ADAMTSL3: variants seen among roughly 807,000 people sequenced by gnomAD.
ADAMTSL3 encodes the protein ADAMTS-like protein 3.
ADAMTSL3 carries 128 observed loss-of-function variants against 201.7 expected under a neutral mutation model. The observed-to-expected ratio is 0.63, with a 90% confidence interval of 0.55 to 0.73. ADAMTSL3 has a LOEUF of 0.73. Ranked by LOEUF, ADAMTSL3 falls within the 30% of genes least tolerant of loss-of-function variation. ADAMTSL3 has a pLI of 0.00. For missense variants in ADAMTSL3, 1,990 were observed against 2,119.6 expected, an observed-to-expected ratio of 0.94 and a Z score of 1.20; for synonymous variants, 738 against 748.4, an observed-to-expected ratio of 0.99 and a Z score of 0.23.
At chr15:83,676,114 A>T (rs2061401077) in intron 2 of ADAMTSL3, among the ~76,000 whole-genome samples, 1 of 141,436 alleles carries the variant, frequency 7.1e-6, no homozygotes. Context: ...TTTGCTCTTT[A>T]TTATTTTCTT....
intron 23 of ADAMTSL3, among the ~76,000 whole-genome samples, chr15:84,001,961 T>G (rs1429478158): frequency 6.6e-6 from 1 of 152,232 alleles, no homozygotes; most frequent in East Asian, 1.9e-4. Context: ...ACCCTTAATA[T>G]ATTTGCCCCA....
chr15:83,789,485 T>C (rs2063312340), intron 4 of ADAMTSL3, among the ~76,000 whole-genome samples: 1 of 152,170 alleles, frequency 6.6e-6, no homozygotes, highest in Non-Finnish European at 1.5e-5. Flanking sequence ...CTGAGATTTC[T>C]GGTGATCCTT....
intron 8 of ADAMTSL3, chr15:83,861,375 G>A (rs1326856064): frequency 6.5e-6 from 1 of 153,812 alleles, no homozygotes; most frequent in Non-Finnish European, 1.4e-5. Flanking sequence ...TCACCCCCTA[G>A]TAGGGGCAGA....
chr15:83,739,969 A>AC (rs2062428847), intron 3 of ADAMTSL3: 8 of 489,880 alleles, frequency 1.6e-5, no homozygotes, highest in South Asian at 1.4e-4. Context: ...CAAGCATGTG[A>AC]CCAGGGCAGT....
intron 9 of ADAMTSL3, among the ~76,000 whole-genome samples, chr15:83,872,732 G>A (rs186663149): frequency 9.1e-6 from 1 of 109,636 alleles, no homozygotes; most frequent in Admixed American, 7.9e-5. Flanking sequence ...ATGATGAAAC[G>A]AGGAAAGTAC....
At chr15:83,980,939 C>T (rs1334484570) in intron 20 of ADAMTSL3, among the ~76,000 whole-genome samples, 6 of 152,208 alleles carry the variant, frequency 3.9e-5, no homozygotes, top group African/African-American at 1.2e-4. Context: ...AGAGAAGTCT[C>T]AATCTGCTTC....
intron 17 of ADAMTSL3, among the ~76,000 whole-genome samples, chr15:83,932,807 A>T (rs1326802585): frequency 1.3e-5 from 2 of 152,238 alleles, no homozygotes; most frequent in Admixed American, 6.5e-5. Context: ...CATAATCAAA[A>T]TTTTTTAAAA....
At chr15:83,801,651 AATATATATATATATATATATAT>A (rs68098545) in intron 4 of ADAMTSL3, among the ~76,000 whole-genome samples, 5 of 31,288 alleles carry the variant, frequency 1.6e-4, no homozygotes, top group Non-Finnish European at 3.3e-4. Context: ...TATAAATATA[AATATATATATATATATATATAT>A]ATATATATAT....
intron 8 of ADAMTSL3, among the ~76,000 whole-genome samples, chr15:83,867,309 T>C (rs1335735953): frequency 6.6e-6 from 1 of 152,210 alleles, no homozygotes; most frequent in Non-Finnish European, 1.5e-5. Context: ...TTTGTTTAGA[T>C]CCTGAATTTC....
chr15:83,761,284 A>G (rs760465075), intron 3 of ADAMTSL3, among the ~76,000 whole-genome samples: 12 of 152,126 alleles, frequency 7.9e-5, no homozygotes, highest in Non-Finnish European at 1.8e-4. Context: ...ATAGGCTGTC[A>G]TTGTCAGGTA....
At chr15:83,723,258 C>T (rs1007162302) in intron 3 of ADAMTSL3, among the ~76,000 whole-genome samples, 1 of 152,116 alleles carries the variant, frequency 6.6e-6, no homozygotes, top group Non-Finnish European at 1.5e-5. Flanking sequence ...AGCACTCCCC[C>T]ACCTCCAGCA....
At chr15:83,806,119 T>G (rs2063599123) in intron 5 of ADAMTSL3, among the ~76,000 whole-genome samples, 1 of 17,962 alleles carries the variant, frequency 5.6e-5, no homozygotes, top group Non-Finnish European at 8.7e-5. Context: ...TAGGGGACAG[T>G]AACCACTGAT....
intron 3 of ADAMTSL3, among the ~76,000 whole-genome samples, chr15:83,725,754 T>A (rs1306159244): frequency 6.6e-6 from 1 of 152,128 alleles, no homozygotes; most frequent in Non-Finnish European, 1.5e-5. Flanking sequence ...GGTCTATATG[T>A]CTGTTTTTTA....
At chr15:83,699,772 C>A (rs1428956413) in intron 2 of ADAMTSL3, among the ~76,000 whole-genome samples, 1 of 152,182 alleles carries the variant, frequency 6.6e-6, no homozygotes, top group Non-Finnish European at 1.5e-5. Flanking sequence ...ACTTGCTCTT[C>A]TTTTGCCGGT....
intron 3 of ADAMTSL3, among the ~76,000 whole-genome samples, chr15:83,733,364 G>T (rs1201291092): frequency 6.6e-6 from 1 of 152,144 alleles, no homozygotes; most frequent in Non-Finnish European, 1.5e-5. Context: ...GGAGAGGAAG[G>T]TTCTCTTCCT....
intron 3 of ADAMTSL3, among the ~76,000 whole-genome samples, chr15:83,725,082 T>A (rs2141586952): frequency 6.6e-6 from 1 of 151,006 alleles, no homozygotes. Context: ...AGGAGTGGGA[T>A]TGCTGGAACA....
At chr15:83,712,585 G>T (rs371963144) in intron 3 of ADAMTSL3, among the ~76,000 whole-genome samples, 36 of 152,188 alleles carry the variant, frequency 2.4e-4, no homozygotes, top group African/African-American at 7.0e-4. Flanking sequence ...ACCTGATCAT[G>T]ACTTCCTTCC....
chr15:83,772,796 C>G (rs1036109332), intron 3 of ADAMTSL3, among the ~76,000 whole-genome samples: 1 of 151,526 alleles, frequency 6.6e-6, no homozygotes, highest in African/African-American at 2.4e-5. Flanking sequence ...ACCTCCGCCT[C>G]CCTGGTTCAA....
At chr15:83,872,627 C>T (rs1480826) in intron 9 of ADAMTSL3, among the ~76,000 whole-genome samples, 1 of 140,918 alleles carries the variant, frequency 7.1e-6, no homozygotes, top group South Asian at 2.2e-4. Context: ...CACACACACA[C>T]AGAGTTTTTG....
Sources: allele counts gnomAD v4.1 joint callset (sites outside exome capture counted in the v4.1 genomes callset), GRCh38; gene constraint gnomAD v4.1.1; transcripts MANE v1.5; gene names NCBI Gene and HGNC (gene_info 2026-07-23, HGNC 2026-07-21).